C1orf185: variants seen among roughly 807,000 people sequenced by gnomAD.
C1orf185 encodes the protein uncharacterized protein C1orf185.
In C1orf185, 13 loss-of-function variants were observed where a neutral mutation model predicts 16.1. The ratio of observed to expected loss-of-function variants is 0.81; its 90% confidence interval spans 0.53 to 1.28. C1orf185 has a LOEUF of 1.28. C1orf185 is among the 50% of genes most tolerant of loss of function. The pLI is 0.00. For synonymous variants in C1orf185, 80 were observed against 76.9 expected, an observed-to-expected ratio of 1.04 and a Z score of -0.21; for missense variants, 220 against 225.2, an observed-to-expected ratio of 0.98 and a Z score of 0.15.
At chr1:51,131,546 G>C (rs1390595233) in intron 3 of C1orf185, among the ~76,000 whole-genome samples, 2 of 151,810 alleles carry the variant, frequency 1.3e-5, no homozygotes, top group Admixed American at 6.6e-5. Flanking sequence ...AGCTGAGGTG[G>C]GAAAATCATT....
chr1:51,116,091 A>G (rs1269209860), intron 2 of C1orf185, among the ~76,000 whole-genome samples: 1 of 152,138 alleles, frequency 6.6e-6, no homozygotes, highest in African/African-American at 2.4e-5. Flanking sequence ...CTAAACTCAA[A>G]CTATCACTAA....
At chr1:51,113,050 C>G in intron 2 of C1orf185, among the ~76,000 whole-genome samples, 1 of 151,810 alleles carries the variant, frequency 6.6e-6, no homozygotes, top group Non-Finnish European at 1.5e-5. Context: ...AACTCCTGAC[C>G]TCAGACGATC....
chr1:51,149,030 C>T (rs1646417857), downstream of C1orf185, among the ~76,000 whole-genome samples: 1 of 152,192 alleles, frequency 6.6e-6, no homozygotes, highest in South Asian at 2.1e-4. Flanking sequence ...TGCTTGCAGG[C>T]ACCTGACTCA....
intron 1 of C1orf185, among the ~76,000 whole-genome samples, chr1:51,108,250 G>A (rs1203592745): frequency 6.6e-6 from 1 of 151,518 alleles, no homozygotes; most frequent in Non-Finnish European, 1.5e-5. Flanking sequence ...ATTTTTACAT[G>A]TTTATTGGCC....
intron 1 of C1orf185, chr1:51,107,162 A>T (rs1027725916): frequency 6.6e-6 from 1 of 152,090 alleles, no homozygotes; most frequent in Non-Finnish European, 1.5e-5. Context: ...TGAGGCCAGG[A>T]GTTCAAGACC....
At chr1:51,144,400 T>C (rs1274616150) in intron 3 of C1orf185, among the ~76,000 whole-genome samples, 4 of 152,104 alleles carry the variant, frequency 2.6e-5, no homozygotes, top group Admixed American at 2.0e-4. Flanking sequence ...TAATAAAAGG[T>C]GAAAGTGACA....
chr1:51,108,136 C>G (rs1285073620), intron 1 of C1orf185, among the ~76,000 whole-genome samples: 18 of 152,292 alleles, frequency 1.2e-4, no homozygotes, highest in Non-Finnish European at 2.1e-4. Context: ...GCTACTCTGC[C>G]TCTTTGCCAG....
chr1:51,109,057 C>G (rs2148009528), intron 1 of C1orf185, among the ~76,000 whole-genome samples: 1 of 152,242 alleles, frequency 6.6e-6, no homozygotes, highest in South Asian at 2.1e-4. Flanking sequence ...TAAGGGTTCC[C>G]CTTTCTCTGC....
downstream of C1orf185, among the ~76,000 whole-genome samples, chr1:51,148,414 C>T (rs531653523): frequency 1.1e-3 from 174 of 152,228 alleles, no homozygotes; most frequent in African/African-American, 4.0e-3. Flanking sequence ...TGAGCCACTG[C>T]GCCTGGCCAG....
intron 1 of C1orf185, among the ~76,000 whole-genome samples, chr1:51,103,658 C>T (rs951187910): frequency 6.6e-6 from 1 of 151,788 alleles, no homozygotes; most frequent in Non-Finnish European, 1.5e-5. Context: ...CTCAGCTGCC[C>T]CGCTAACTGG....
chr1:51,133,751 A>G (rs1404601010), intron 3 of C1orf185, among the ~76,000 whole-genome samples: 1 of 152,256 alleles, frequency 6.6e-6, no homozygotes, highest in Admixed American at 6.5e-5. Context: ...AACAGAATAT[A>G]CATTCTTCTC....
chr1:51,115,784 C>T (rs1646153088), intron 2 of C1orf185, among the ~76,000 whole-genome samples: 1 of 152,016 alleles, frequency 6.6e-6, no homozygotes, highest in South Asian at 2.1e-4. Context: ...ATTGCAGAGT[C>T]AGGGTGAGAG....
At chr1:51,111,370 C>CTTT (rs35232347) in intron 1 of C1orf185, among the ~76,000 whole-genome samples, 11 of 114,420 alleles carry the variant, frequency 9.6e-5, no homozygotes, top group South Asian at 2.6e-4. Context: ...AGCTTTCTTT[C>CTTT]TTTCTTTTTT....
At chr1:51,109,822 T>A (rs1388483057) in intron 1 of C1orf185, among the ~76,000 whole-genome samples, 1 of 152,214 alleles carries the variant, frequency 6.6e-6, no homozygotes, top group Admixed American at 6.5e-5. Flanking sequence ...AGTCAGATAG[T>A]GTGATACCTC....
chr1:51,125,027 T>C (rs1646230277), intron 3 of C1orf185, among the ~76,000 whole-genome samples: 1 of 152,012 alleles, frequency 6.6e-6, no homozygotes, highest in Non-Finnish European at 1.5e-5. Context: ...AGGCCCTGCC[T>C]AGCATTGGAG....
chr1:51,112,232 A>G (rs1646126762), intron 1 of C1orf185, among the ~76,000 whole-genome samples: 1 of 152,130 alleles, frequency 6.6e-6, no homozygotes, highest in South Asian at 2.1e-4. Flanking sequence ...AAATATTGGC[A>G]TCATCAAAGA....
At chr1:51,144,455 T>G (rs1383604146) in intron 3 of C1orf185, among the ~76,000 whole-genome samples, 4 of 152,216 alleles carry the variant, frequency 2.6e-5, no homozygotes. Flanking sequence ...TGGGTGCCTG[T>G]AATCCCAGCA....
At chr1:51,107,756 T>C (rs1490358726) in intron 1 of C1orf185, among the ~76,000 whole-genome samples, 1 of 152,260 alleles carries the variant, frequency 6.6e-6, no homozygotes, top group Non-Finnish European at 1.5e-5. Context: ...GTTTGAACTT[T>C]ATGTCTGCCT....
At chr1:51,143,366 G>T (rs982971400) in intron 3 of C1orf185, among the ~76,000 whole-genome samples, 3 of 152,088 alleles carry the variant, frequency 2.0e-5, no homozygotes, top group South Asian at 2.1e-4. Flanking sequence ...GGAAGCAGCT[G>T]TCCCTTCTCT....
Sources: gnomAD v4.1 joint callset for allele counts (sites outside exome capture counted in the v4.1 genomes callset) on GRCh38, gnomAD v4.1.1 for gene constraint, MANE v1.5 for transcripts, NCBI Gene and HGNC (gene_info 2026-07-23, HGNC 2026-07-21) for gene names.